Variants in AASDH observed in about 807,000 individuals in gnomAD.
AASDH encodes the protein beta-alanine-activating enzyme.
A neutral mutation model predicts 102.3 loss-of-function variants in AASDH; 81 were observed. The observed-to-expected ratio is 0.79, with a 90% confidence interval of 0.66 to 0.95. The LOEUF is 0.95. Ranked by LOEUF, AASDH falls within the 40% of genes least tolerant of loss-of-function variation. AASDH has a pLI of 0.00. For missense variants in AASDH, 1,203 were observed against 1,266.2 expected, an observed-to-expected ratio of 0.95 and a Z score of 0.76; for synonymous variants, 398 against 454.0, an observed-to-expected ratio of 0.88 and a Z score of 1.57.
intron 9 of AASDH, among the ~76,000 whole-genome samples, chr4:56,351,806 C>G (rs750896448): frequency 6.6e-6 from 1 of 150,942 alleles, no homozygotes; most frequent in Non-Finnish European, 1.5e-5. Flanking sequence ...TCTAGCTACT[C>G]GGGAGGCTTA....
Position 56,382,580 on chromosome 4 carries a change from GC to G in AASDH, c.247del (p.Ala83LeufsTer19). ...ATCTGGCTCGATAGGTACATAAGCA[GC>G]CGGGACTTGGAGAATTCTAAAGAAA... ...SWILGILQVP[A>X]AYVPIEPDSP... On this transcript the variant is annotated frameshift_variant, in exon 3 of 15. Coordinates refer to ENST00000205214, the MANE Select transcript of AASDH (RefSeq NM_181806.4). LOFTEE classifies it high-confidence loss of function. 1 of 1,607,766 alleles carries G rather than the reference GC, an allele frequency of 6.2e-7. No individual in the cohort carries two copies. Among genetic ancestry groups the G allele is most frequent in the Non-Finnish European group, 8.5e-7 (1 of 1,178,216 alleles).
chr4:56,364,511 G>A (rs1469874459), intron 5 of AASDH, among the ~76,000 whole-genome samples: 2 of 152,232 alleles, frequency 1.3e-5, no homozygotes, highest in African/African-American at 4.8e-5. Flanking sequence ...CAGACTAACA[G>A]CTGATCACTC....
chr4:56,365,501 G>T (rs1750884994), intron 5 of AASDH, among the ~76,000 whole-genome samples: 1 of 151,964 alleles, frequency 6.6e-6, no homozygotes, highest in African/African-American at 2.4e-5. Context: ...TAAAAGAACA[G>T]AAATTATAAC....
intron 5 of AASDH, among the ~76,000 whole-genome samples, chr4:56,361,325 C>G (rs1750264298): frequency 6.6e-6 from 1 of 152,134 alleles, no homozygotes. Context: ...ATGAGAATCA[C>G]TTGAACCCAG....
At chr4:56,362,180 T>C (rs1397322998) in intron 5 of AASDH, among the ~76,000 whole-genome samples, 3 of 152,210 alleles carry the variant, frequency 2.0e-5, no homozygotes, top group Admixed American at 6.5e-5. Flanking sequence ...TGGAGGCCTT[T>C]TTCCCCCCAC....
intron 5 of AASDH, among the ~76,000 whole-genome samples, chr4:56,369,567 A>G (rs964420922): frequency 6.6e-5 from 10 of 152,216 alleles, no homozygotes; most frequent in African/African-American, 2.4e-4. Flanking sequence ...TTTTTATAGC[A>G]GAAGTTTAAT....
chr4:56,382,232 T>C (rs180738388), intron 3 of AASDH: 38 of 351,924 alleles, frequency 1.1e-4, no homozygotes, highest in Non-Finnish European at 1.5e-5. Flanking sequence ...TGGAGATTTT[T>C]GGTTGTTATG....
At chr4:56,364,862 A>G (rs1750785787) in intron 5 of AASDH, among the ~76,000 whole-genome samples, 2 of 152,232 alleles carry the variant, frequency 1.3e-5, no homozygotes. Flanking sequence ...AAATTCACAC[A>G]TAACAATATT....
At chr4:56,384,001 C>A in intron 2 of AASDH, 69 bp downstream of exon 2, 3 of 1,311,598 alleles carry the variant, frequency 2.3e-6, no homozygotes, top group Non-Finnish European at 3.2e-6. Context: ...CAATAACTTG[C>A]AATATACTCT....
chr4:56,348,129 A>C (rs1388600950), intron 11 of AASDH, among the ~76,000 whole-genome samples: 1 of 151,816 alleles, frequency 6.6e-6, no homozygotes, highest in Non-Finnish European at 1.5e-5. Context: ...CCAGCCTGGG[A>C]AACAGAGCCA....
intron 11 of AASDH, 24 bp downstream of exon 11, chr4:56,349,239 C>G (rs1748680313): frequency 6.2e-7 from 1 of 1,607,448 alleles, no homozygotes; most frequent in African/African-American, 1.3e-5. Flanking sequence ...TTTAACTCCA[C>G]AAACCTCAAA....
chr4:56,371,524 G>T lies in AASDH; in HGVS notation c.788C>A (p.Pro263Gln), dbSNP rs1751704617. The change falls in exon 5 of 15, where the codon CCA (proline) becomes CAA (glutamine). Residue 263 changes from proline (P) to glutamine (Q), a missense_variant. Pro to Gln is a moderately conservative substitution (Grantham distance 76). Coordinates refer to ENST00000205214, the MANE Select transcript of AASDH (RefSeq NM_181806.4). ...TGATGGGAGCAACTTGACGGAAGTT[G>T]GTACAATAAGCAGAGAGGCACCACT... ...LSSGASLLIV[P>Q]TSVKLLPSKL... is the part of the protein sequence containing the mutation. 2 of 1,613,056 alleles carry T rather than the reference G, an allele frequency of 1.2e-6. No individual in the cohort carries two copies. The highest frequency in any genetic ancestry group is 1.7e-5 in the Admixed American group (1 of 59,576).
chr4:56,386,693 T>C (rs1336894472), intron 1 of AASDH, among the ~76,000 whole-genome samples: 1 of 143,890 alleles, frequency 6.9e-6, no homozygotes, highest in Non-Finnish European at 1.5e-5. Flanking sequence ...CTCGGGAGGC[T>C]GAGGCAGGAG....
intron 1 of AASDH, 32 bp from the exon 2 acceptor site, chr4:56,384,373 G>A: frequency 1.4e-6 from 2 of 1,384,906 alleles, no homozygotes; most frequent in South Asian, 1.2e-5. Flanking sequence ...AGGGGGAGAG[G>A]GAGTTTTAGA....
intron 1 of AASDH, 102 bp from the exon 2 acceptor site, chr4:56,384,443 T>C (rs375302254): frequency 5.0e-6 from 3 of 603,292 alleles, no homozygotes; most frequent in South Asian, 4.3e-5. Context: ...AAAATAATTA[T>C]ATCAAAGATA....
chr4:56,385,504 T>C (rs546916637), intron 1 of AASDH, among the ~76,000 whole-genome samples: 1 of 152,204 alleles, frequency 6.6e-6, no homozygotes, highest in African/African-American at 2.4e-5. Flanking sequence ...AAATTCACAG[T>C]GTTTCCTTAA....
chr4:56,351,372 G>T lies in AASDH; in HGVS notation c.1662C>A (p.Asp554Glu). 6.3e-7 allele frequency: 1 copy of T among 1,596,824 alleles called. No homozygotes were observed. The highest frequency in any genetic ancestry group is 1.1e-5 in the South Asian group (1 of 88,840). ...KSENKLSGKEDLWEKLQYLWK... is the reference protein window; with the variant it reads ...KSENKLSGKEELWEKLQYLWK... ...ACAAATACTGTAATTTTTCCCAAAG[G>T]TCCTCTTTCCCACTGAGCTTATTCT... Residue 554 changes from aspartate to glutamate, a missense_variant, in exon 10 of 15, where the codon GAC becomes GAA. Transcript: ENST00000205214.
At chr4:56,371,316 G>A in intron 5 of AASDH, 135 bp downstream of exon 5, 1 of 855,944 alleles carries the variant, frequency 1.2e-6, no homozygotes, top group Non-Finnish European at 1.7e-6. Context: ...GTCACATCCT[G>A]AGGAGACGGC....
chr4:56,356,675 G>A, intron 5 of AASDH: 3 of 687,778 alleles, frequency 4.4e-6, no homozygotes, highest in Non-Finnish European at 8.0e-6. Context: ...GTCCCTTATT[G>A]CATTATCAAG....
Sources: allele counts gnomAD v4.1 joint callset (sites outside exome capture counted in the v4.1 genomes callset), GRCh38; gene constraint gnomAD v4.1.1; transcripts MANE v1.5; gene names NCBI Gene and HGNC (gene_info 2026-07-23, HGNC 2026-07-21).